CHLSN: variants seen among roughly 807,000 people sequenced by gnomAD.
The protein encoded by CHLSN is protein cholesin.
chr7:1,069,947 C>A, the CHLSN span, among the ~76,000 whole-genome samples: 1 of 107,296 alleles, frequency 9.3e-6, no homozygotes, highest in Admixed American at 9.0e-5. Flanking sequence ...AAGTGAGGAG[C>A]GTCTCTGCCC....
chr7:1,002,831 T>C, the CHLSN span, among the ~76,000 whole-genome samples: 2 of 43,452 alleles, frequency 4.6e-5, no homozygotes, highest in African/African-American at 2.0e-4. Context: ...TGTGGGTGAG[T>C]GGAGTCCTGC....
chr7:1,028,316 G>C, the CHLSN span: 1 of 1,038,384 alleles, frequency 9.6e-7, no homozygotes, highest in Non-Finnish European at 1.2e-6. Flanking sequence ...GGATGCGCCC[G>C]CAGTGCGCAC....
the CHLSN span, among the ~76,000 whole-genome samples, chr7:1,100,184 C>A: frequency 6.6e-6 from 1 of 152,190 alleles, no homozygotes; most frequent in East Asian, 1.9e-4. Flanking sequence ...CCTGTCCAGC[C>A]GGCCACCACT....
the CHLSN span, chr7:1,092,791 G>T: frequency 6.2e-7 from 1 of 1,613,556 alleles, no homozygotes; most frequent in South Asian, 1.1e-5. Flanking sequence ...CTGTCACGCT[G>T]CCCTGAAGGC....
the CHLSN span, among the ~76,000 whole-genome samples, chr7:1,060,661 GCTCAGACCCGCGGGACAGGCTC>G: frequency 6.6e-6 from 1 of 152,220 alleles, no homozygotes; most frequent in South Asian, 2.1e-4. Context: ...CCTGCGGGGA[GCTCAGACCCGCGGGACAGGCTC>G]CTAAGCCGTG....
At chr7:1,044,219 G>A in the CHLSN span, among the ~76,000 whole-genome samples, 48 of 152,324 alleles carry the variant, frequency 3.2e-4, no homozygotes, top group Admixed American at 6.5e-4. Flanking sequence ...GCACCCTGCA[G>A]ATTAGGGTAT....
the CHLSN span, among the ~76,000 whole-genome samples, chr7:1,070,908 GCACA>G: frequency 1.1e-4 from 15 of 140,492 alleles, no homozygotes; most frequent in Admixed American, 1.4e-4. Context: ...ACACATGCAC[GCACA>G]CACACAGCAC....
chr7:1,093,347 T>C, the CHLSN span: 14 of 424,214 alleles, frequency 3.3e-5, no homozygotes, highest in Admixed American at 3.3e-4. Flanking sequence ...GTGTGTCCTC[T>C]GTGCCCACGG....
the CHLSN span, among the ~76,000 whole-genome samples, chr7:1,017,785 G>C: frequency 2.6e-5 from 4 of 152,226 alleles, no homozygotes; most frequent in African/African-American, 9.6e-5. Flanking sequence ...GGCAGGGTAA[G>C]GGGCTTCTCT....
chr7:987,082 C>A, the CHLSN span: 1 of 1,491,386 alleles, frequency 6.7e-7, no homozygotes, highest in Non-Finnish European at 8.9e-7. Context: ...GATCATCCCA[C>A]GAGCCCTGCC....
the CHLSN span, among the ~76,000 whole-genome samples, chr7:1,032,142 G>A: frequency 2.6e-5 from 4 of 152,118 alleles, no homozygotes; most frequent in Non-Finnish European, 4.4e-5. Flanking sequence ...GACACACCAC[G>A]CCCCAGAGAA....
the CHLSN span, among the ~76,000 whole-genome samples, chr7:1,015,337 C>G: frequency 0.36 from 55,055 of 152,050 alleles, 11,108 homozygotes; most frequent in African/African-American, 0.55. Flanking sequence ...CCCCAGGCAC[C>G]AGCAGGTCTT....
chr7:1,015,137 C>G, the CHLSN span, among the ~76,000 whole-genome samples: 1 of 152,222 alleles, frequency 6.6e-6, no homozygotes, highest in Non-Finnish European at 1.5e-5. Context: ...GCCGTGGCCT[C>G]ACACCAGGGA....
At chr7:1,119,449 C>T in the CHLSN span, among the ~76,000 whole-genome samples, 1 of 152,102 alleles carries the variant, frequency 6.6e-6, no homozygotes, top group Non-Finnish European at 1.5e-5. Flanking sequence ...TCTTAAGCGC[C>T]TCAAAGGACA....
chr7:1,028,227 C>T, the CHLSN span: 2 of 1,082,860 alleles, frequency 1.8e-6, no homozygotes, highest in Admixed American at 4.9e-5. Flanking sequence ...TCCCTGCAGC[C>T]CGAATGCGGG....
At chr7:1,135,225 C>T in the CHLSN span, among the ~76,000 whole-genome samples, 2 of 152,110 alleles carry the variant, frequency 1.3e-5, no homozygotes, top group Non-Finnish European at 2.9e-5. Context: ...AGTCATGTGG[C>T]TTCAAATACC....
the CHLSN span, chr7:1,022,921 T>A: frequency 9.1e-6 from 4 of 441,448 alleles, no homozygotes; most frequent in South Asian, 6.2e-5. Flanking sequence ...AGCTGGCCAC[T>A]CCATGGTCCC....
the CHLSN span, among the ~76,000 whole-genome samples, chr7:1,011,984 AC>A: frequency 1.6e-4 from 24 of 151,826 alleles, no homozygotes; most frequent in African/African-American, 5.3e-4. Flanking sequence ...GGATGTGGAC[AC>A]CCCCAGGGGA....
At chr7:1,018,172 G>T in the CHLSN span, among the ~76,000 whole-genome samples, 3 of 152,316 alleles carry the variant, frequency 2.0e-5, no homozygotes, top group Non-Finnish European at 4.4e-5. Context: ...CACCAGGCAG[G>T]AAGCACAGGC....
Sources: allele counts gnomAD v4.1 joint callset (sites outside exome capture counted in the v4.1 genomes callset), GRCh38; gene constraint gnomAD v4.1.1; transcripts MANE v1.5; gene names NCBI Gene and HGNC (gene_info 2026-07-23, HGNC 2026-07-21).